Variants in SERPINI1 observed in about 807,000 individuals in gnomAD.
SERPINI1 encodes the protein neuroserpin.
In SERPINI1, 19 loss-of-function variants were observed where a neutral mutation model predicts 41.1. That is an observed-to-expected ratio of 0.46 (90% confidence interval 0.32 to 0.68). The LOEUF is 0.68. Among genes scored for constraint, SERPINI1 ranks in the 30% least tolerant of loss-of-function variants. The probability of loss-of-function intolerance (pLI) is 0.03; values close to 1 mark genes in which losing one functional copy is unlikely to be tolerated. For missense variants in SERPINI1, 460 were observed against 479.2 expected (o/e 0.96, Z 0.37); for synonymous variants, 138 against 156.6 (o/e 0.88, Z 0.89).
At chr3:167,744,302 A>G (rs1004318862) in intron 1 of SERPINI1, among the ~76,000 whole-genome samples, 1 of 152,050 alleles carries the variant, frequency 6.6e-6, no homozygotes, top group African/African-American at 2.4e-5. Flanking sequence ...CGTGTAGTAA[A>G]TGCTCATTAA....
At chr3:167,757,215 C>T (rs1280261104) in intron 1 of SERPINI1, among the ~76,000 whole-genome samples, 1 of 152,156 alleles carries the variant, frequency 6.6e-6, no homozygotes, top group Non-Finnish European at 1.5e-5. Context: ...CTAAGACCAG[C>T]TTTTGAAAGG....
intron 4 of SERPINI1, among the ~76,000 whole-genome samples, 156 bp downstream of exon 4, chr3:167,792,940 T>A (rs879704918): frequency 6.6e-6 from 1 of 152,208 alleles, no homozygotes; most frequent in Admixed American, 6.5e-5. Context: ...AATTAGTTTC[T>A]GAGTAAATAT....
intron 5 of SERPINI1, among the ~76,000 whole-genome samples, chr3:167,797,801 A>G (rs1221213331): frequency 6.6e-6 from 1 of 152,066 alleles, no homozygotes; most frequent in Non-Finnish European, 1.5e-5. Flanking sequence ...ATGTACCTTA[A>G]TTCCAAAGAA....
intron 1 of SERPINI1, among the ~76,000 whole-genome samples, chr3:167,748,451 TG>T (rs1268896366): frequency 2.0e-5 from 3 of 152,232 alleles, no homozygotes; most frequent in African/African-American, 7.2e-5. Context: ...AGCCTATTTA[TG>T]TCAGTCACAT....
intron 6 of SERPINI1, among the ~76,000 whole-genome samples, chr3:167,810,744 T>C (rs1389775100): frequency 2.0e-5 from 3 of 152,198 alleles, no homozygotes; most frequent in African/African-American, 7.2e-5. Flanking sequence ...TACTCTTCTT[T>C]CCATGAACAA....
intron 1 of SERPINI1, among the ~76,000 whole-genome samples, chr3:167,763,052 T>G (rs559354704): frequency 1.2e-4 from 18 of 152,260 alleles, no homozygotes; most frequent in African/African-American, 3.9e-4. Flanking sequence ...AGGTCTCAGT[T>G]GGCTCATGTG....
intron 6 of SERPINI1, among the ~76,000 whole-genome samples, chr3:167,808,519 A>C (rs1711742929): frequency 6.6e-6 from 1 of 152,206 alleles, no homozygotes; most frequent in African/African-American, 2.4e-5. Context: ...ATATATATTA[A>C]GATAAAAGAA....
At chr3:167,815,947 C>A (rs11707934) in intron 6 of SERPINI1, among the ~76,000 whole-genome samples, 44,601 of 151,992 alleles carry the variant, frequency 0.29, 8,080 homozygotes, top group African/African-American at 0.52. Context: ...ACGTATGTGG[C>A]CTTTGCACTT....
intron 6 of SERPINI1, among the ~76,000 whole-genome samples, chr3:167,820,788 C>T (rs1712297055): frequency 6.6e-6 from 1 of 152,196 alleles, no homozygotes. Context: ...CAGTGAAACC[C>T]CACCTTCAGG....
chr3:167,788,990 T>G, intron 1 of SERPINI1, 121 bp from the exon 2 acceptor site: 1 of 893,792 alleles, frequency 1.1e-6, no homozygotes, highest in Admixed American at 2.2e-5. Flanking sequence ...AACTTAGCAG[T>G]GTTATTTGTT....
At chr3:167,782,144 A>C (rs186306481) in intron 1 of SERPINI1, among the ~76,000 whole-genome samples, 8 of 152,314 alleles carry the variant, frequency 5.3e-5, no homozygotes, top group Non-Finnish European at 1.0e-4. Context: ...AGCTAGAAAA[A>C]TAATAAATCT....
At chr3:167,799,297 GT>G (rs1167895060) in intron 5 of SERPINI1, among the ~76,000 whole-genome samples, 1 of 152,088 alleles carries the variant, frequency 6.6e-6, no homozygotes, top group Non-Finnish European at 1.5e-5. Flanking sequence ...GCGGTGTTTG[GT>G]TTTCTGTTCC....
Position 167,815,214 on chromosome 3 carries a change from G to A in SERPINI1, c.980-7772G>A, listed in dbSNP as rs1406806435. Among the ~76,000 whole-genome samples, 3 of 152,192 alleles carry A rather than the reference G, an allele frequency of 2.0e-5. No homozygotes were observed. The East Asian group carries it at 5.8e-4, about 29-fold the overall frequency. ...ACTGCATGACATCGCCTGTTTCTCT[G>A]CATGACCTGATCTACTTCTAAGATT... is the stretch of plus-strand genomic sequence containing the variant. On this transcript the variant is annotated intron_variant, in intron 6 of 8. Transcript: ENST00000446050.
chr3:167,823,201 A>T, intron 7 of SERPINI1, 129 bp downstream of exon 7: 2 of 731,856 alleles, frequency 2.7e-6, no homozygotes, highest in Non-Finnish European at 5.0e-6. Flanking sequence ...AGTCAAGCAA[A>T]TGCTGAACCA....
chr3:167,808,153 T>C (rs1035937378), intron 6 of SERPINI1, among the ~76,000 whole-genome samples: 20 of 151,356 alleles, frequency 1.3e-4, no homozygotes, highest in African/African-American at 3.9e-4. Context: ...AATAAATAAA[T>C]AAATAAATAG....
intron 1 of SERPINI1, among the ~76,000 whole-genome samples, chr3:167,784,443 G>A (rs560495409): frequency 6.6e-6 from 1 of 152,262 alleles, no homozygotes; most frequent in South Asian, 2.1e-4. Context: ...ACATTAGTTG[G>A]GCAACAGAGA....
At chr3:167,772,341 A>G (rs35665016) in intron 1 of SERPINI1, among the ~76,000 whole-genome samples, 19,455 of 152,018 alleles carry the variant, frequency 0.13, 1,511 homozygotes, top group African/African-American at 0.21. Flanking sequence ...TAGATCTTTT[A>G]CCTCCCATCC....
chr3:167,818,018 G>GTTGT (rs10632766), intron 6 of SERPINI1, among the ~76,000 whole-genome samples: 42,614 of 151,490 alleles, frequency 0.28, 7,256 homozygotes, highest in African/African-American at 0.48. Context: ...AAATATTTTG[G>GTTGT]TTGTTTGTTT....
intron 1 of SERPINI1, among the ~76,000 whole-genome samples, chr3:167,774,165 A>G (rs1460987767): frequency 1.3e-5 from 2 of 152,226 alleles, no homozygotes; most frequent in Non-Finnish European, 2.9e-5. Flanking sequence ...ACAGCATATG[A>G]AAGTTCTCAT....
Sources: allele counts gnomAD v4.1 joint callset (sites outside exome capture counted in the v4.1 genomes callset), GRCh38; gene constraint gnomAD v4.1.1; transcripts MANE v1.5; gene names NCBI Gene and HGNC (gene_info 2026-07-23, HGNC 2026-07-21).